The following NELL1 variants were observed in gnomAD, a reference collection of about 807,000 sequenced individuals.
The protein encoded by NELL1 is protein kinase C-binding protein NELL1.
Under a neutral mutation model 107.4 loss-of-function variants are expected in NELL1, and 76 were observed. The observed-to-expected ratio is 0.71, with a 90% CI of 0.59 to 0.86. NELL1 has a LOEUF of 0.86. Among genes scored for constraint, NELL1 ranks in the 40% least tolerant of loss-of-function variants. The pLI is 0.00. For synonymous variants in NELL1, 353 were observed against 341.2 expected, an observed-to-expected ratio of 1.03 and a Z score of -0.38; for missense variants, 1,024 against 1,005.5, an observed-to-expected ratio of 1.02 and a Z score of -0.25.
At chr11:21,478,850 A>AAC (rs1033283625) in intron 15 of NELL1, among the ~76,000 whole-genome samples, 4 of 151,636 alleles carry the variant, frequency 2.6e-5, no homozygotes, top group African/African-American at 9.7e-5. Context: ...AGAAAAAAAA[A>AAC]AACTGATAAT....
At chr11:20,678,827 G>A (rs1303263372) in intron 2 of NELL1, among the ~76,000 whole-genome samples, 2 of 152,062 alleles carry the variant, frequency 1.3e-5, no homozygotes, top group African/African-American at 2.4e-5. Context: ...CTGTCTAAAG[G>A]CCCCACCTCT....
chr11:21,436,988 T>C (rs1265478187), intron 15 of NELL1, among the ~76,000 whole-genome samples: 1 of 152,214 alleles, frequency 6.6e-6, no homozygotes, highest in African/African-American at 2.4e-5. Flanking sequence ...CTTGATATGA[T>C]TTAAATTTTT....
chr11:21,042,168 G>A (rs1203313942), intron 12 of NELL1, among the ~76,000 whole-genome samples: 5 of 151,896 alleles, frequency 3.3e-5, no homozygotes, highest in Admixed American at 1.3e-4. Flanking sequence ...TATTATAAAC[G>A]AAAAACAAAA....
At chr11:20,671,678 C>G (rs1279855566) in intron 1 of NELL1, among the ~76,000 whole-genome samples, 3 of 151,908 alleles carry the variant, frequency 2.0e-5, no homozygotes, top group Admixed American at 1.3e-4. Flanking sequence ...ATTTCTTATG[C>G]AAAGAGGAAA....
chr11:21,073,638 T>C (rs1854067847), intron 12 of NELL1, among the ~76,000 whole-genome samples: 1 of 152,108 alleles, frequency 6.6e-6, no homozygotes, highest in African/African-American at 2.4e-5. Flanking sequence ...TAATACAAGC[T>C]CACAGAACCA....
chr11:21,162,381 T>G (rs1856391997), intron 13 of NELL1, among the ~76,000 whole-genome samples: 1 of 152,170 alleles, frequency 6.6e-6, no homozygotes, highest in Admixed American at 6.6e-5. Flanking sequence ...ATTGAGTGCC[T>G]CTCAGTATAA....
At chr11:21,538,973 A>C (rs1042764878) in intron 16 of NELL1, among the ~76,000 whole-genome samples, 2 of 151,120 alleles carry the variant, frequency 1.3e-5, no homozygotes. Context: ...TCTTTCCTCT[A>C]CTCCTTTGCT....
At chr11:21,120,955 G>T (rs920954876) in intron 13 of NELL1, among the ~76,000 whole-genome samples, 3 of 152,012 alleles carry the variant, frequency 2.0e-5, no homozygotes, top group Non-Finnish European at 4.4e-5. Context: ...GAATGCTACT[G>T]TACCAAAAGC....
intron 14 of NELL1, among the ~76,000 whole-genome samples, chr11:21,327,243 T>C (rs1850166907): frequency 6.6e-6 from 1 of 150,608 alleles, no homozygotes; most frequent in African/African-American, 2.4e-5. Context: ...ATACCTAATG[T>C]TAAATGACGA....
intron 12 of NELL1, among the ~76,000 whole-genome samples, chr11:21,083,169 C>T (rs1422169387): frequency 2.0e-5 from 3 of 152,046 alleles, no homozygotes; most frequent in East Asian, 1.9e-4. Context: ...TTTTATGGGG[C>T]CATTGGTAGG....
intron 12 of NELL1, among the ~76,000 whole-genome samples, chr11:21,002,202 A>G (rs996115162): frequency 6.6e-6 from 1 of 152,190 alleles, no homozygotes; most frequent in Non-Finnish European, 1.5e-5. Flanking sequence ...CAGCATCTCT[A>G]CAGCTAGCAT....
chr11:21,305,003 G>A (rs993322041), intron 14 of NELL1, among the ~76,000 whole-genome samples: 1 of 151,978 alleles, frequency 6.6e-6, no homozygotes, highest in African/African-American at 2.4e-5. Flanking sequence ...AGATGGGACT[G>A]TAGGCAGGAT....
intron 14 of NELL1, among the ~76,000 whole-genome samples, chr11:21,345,508 G>A (rs1055168915): frequency 6.6e-6 from 1 of 152,184 alleles, no homozygotes; most frequent in Non-Finnish European, 1.5e-5. Context: ...AGTGTCAAGT[G>A]ACTTTTCCTC....
chr11:20,784,674 T>C (rs1422575041), intron 3 of NELL1, among the ~76,000 whole-genome samples: 1 of 152,216 alleles, frequency 6.6e-6, no homozygotes, highest in East Asian at 1.9e-4. Flanking sequence ...AATCATTGAA[T>C]TCAAATTAAT....
chr11:21,094,348 C>T (rs561158723), intron 12 of NELL1, among the ~76,000 whole-genome samples: 1 of 152,326 alleles, frequency 6.6e-6, no homozygotes, highest in East Asian at 1.9e-4. Context: ...GCTGCTTTCA[C>T]AGGCTGGCAT....
intron 9 of NELL1, among the ~76,000 whole-genome samples, chr11:20,932,675 G>A (rs1288654390): frequency 6.6e-6 from 1 of 152,182 alleles, no homozygotes; most frequent in Non-Finnish European, 1.5e-5. Flanking sequence ...TACACATGAG[G>A]AGGTGAAACA....
At chr11:20,956,449 G>A (rs766433822) in intron 11 of NELL1, among the ~76,000 whole-genome samples, 136 of 151,768 alleles carry the variant, frequency 9.0e-4, no homozygotes, top group Non-Finnish European at 1.8e-3. Flanking sequence ...GATTGAGACT[G>A]TCCTGGCTAT....
At chr11:21,542,272 A>T (rs1023370805) in intron 16 of NELL1, among the ~76,000 whole-genome samples, 10 of 152,098 alleles carry the variant, frequency 6.6e-5, no homozygotes, top group African/African-American at 2.4e-4. Flanking sequence ...CACAGAAGCC[A>T]TAATCCAGGT....
intron 5 of NELL1, among the ~76,000 whole-genome samples, chr11:20,916,312 T>C (rs1194261291): frequency 6.6e-6 from 1 of 151,856 alleles, no homozygotes; most frequent in African/African-American, 2.4e-5. Flanking sequence ...GAGATGCCCA[T>C]AGAGGAAAGG....
Sources: gnomAD v4.1 joint callset for allele counts (sites outside exome capture counted in the v4.1 genomes callset) on GRCh38, gnomAD v4.1.1 for gene constraint, MANE v1.5 for transcripts, NCBI Gene and HGNC (gene_info 2026-07-23, HGNC 2026-07-21) for gene names.